KCNA3: variants seen among roughly 807,000 people sequenced by gnomAD.
KCNA3 encodes RP11-284N8.3.
A neutral mutation model predicts 34.3 loss-of-function variants in KCNA3; 18 were observed. The observed-to-expected ratio is 0.52, with a 90% CI of 0.36 to 0.78. The LOEUF is 0.78. KCNA3 is among the 30% of genes least tolerant of loss of function. The probability of loss-of-function intolerance (pLI) is 0.00; values close to 1 mark genes in which losing one functional copy is unlikely to be tolerated. For missense variants in KCNA3, 587 were observed against 802.5 expected, an observed-to-expected ratio of 0.73 and a Z score of 3.24; for synonymous variants, 324 against 351.7, an observed-to-expected ratio of 0.92 and a Z score of 0.88.
Position 110,674,734 on chromosome 1 carries a change from G to C in KCNA3, c.76C>G (p.Pro26Ala), listed in dbSNP as rs749265772. 6.9e-5 allele frequency: 99 copies of C among 1,426,294 alleles called. 1 individual carries two copies. Among genetic ancestry groups the C allele is most frequent in the Non-Finnish European group, 8.5e-5 (93 of 1,098,236 alleles). The allele number at this position is 1,426,294 out of a possible 1,614,324, so 88.4% of individuals were successfully genotyped here. The stretch of plus-strand genomic sequence containing the variant: ...GTGTGGGCACCGCCGCTGCTCGCTG[G>C]GCGCTGAGGAGGGTGGGCGCGGTGG... ...ARHRAHPPQR[P>A]ASSGGAHTLV... Residue 26 changes from proline to alanine, a missense_variant, in exon 1 of 1, where the codon CCA becomes GCA. This residue lies in a region of KCNA3 where 341 missense variants were observed against 355.4 expected (regional missense o/e 0.96). Transcript: ENST00000369769. This position sits in a 1 kb window ranked among gnomAD's most constrained non-coding sequence, Gnocchi z 6.4.
the KCNA3 span, among the ~76,000 whole-genome samples, chr1:110,665,081 T>A: frequency 6.6e-6 from 1 of 152,238 alleles, no homozygotes; most frequent in Non-Finnish European, 1.5e-5. Context: ...AGACAGGGCC[T>A]TGCAGGCCAT....
At chr1:110,670,079 G>A (rs1327664232), downstream of KCNA3, among the ~76,000 whole-genome samples, 1 of 152,050 alleles carries the variant, frequency 6.6e-6, no homozygotes, top group East Asian at 1.9e-4. Context: ...GGCACAGAGA[G>A]GTTAAGTAAT....
At chr1:110,668,117 T>C (rs532977553), downstream of KCNA3, among the ~76,000 whole-genome samples, 3 of 152,224 alleles carry the variant, frequency 2.0e-5, no homozygotes, top group South Asian at 6.2e-4. Context: ...AAACCAATAA[T>C]TGTATCCTCC....
chr1:110,668,827 C>T (rs1197373905), downstream of KCNA3, among the ~76,000 whole-genome samples: 7 of 152,086 alleles, frequency 4.6e-5, no homozygotes, highest in African/African-American at 9.7e-5. Context: ...CACAGACATC[C>T]GTATATTTCT....
the KCNA3 span, among the ~76,000 whole-genome samples, chr1:110,660,302 A>G: frequency 6.6e-6 from 1 of 152,202 alleles, no homozygotes; most frequent in South Asian, 2.1e-4. Context: ...CCAGTGTGAT[A>G]GTTTGCTTTT....
chr1:110,665,826 A>C, the KCNA3 span, among the ~76,000 whole-genome samples: 1 of 152,282 alleles, frequency 6.6e-6, no homozygotes, highest in Admixed American at 6.5e-5. Flanking sequence ...GACCATACCA[A>C]ATGCTTCTGA....
chr1:110,660,120 A>T, the KCNA3 span, among the ~76,000 whole-genome samples: 1 of 152,198 alleles, frequency 6.6e-6, no homozygotes, highest in Admixed American at 6.5e-5. Context: ...TTCATTATAT[A>T]TTTTTTAAAT....
chr1:110,658,210 C>T, the KCNA3 span, among the ~76,000 whole-genome samples: 14 of 152,258 alleles, frequency 9.2e-5, no homozygotes, highest in Middle Eastern at 3.4e-3. Flanking sequence ...GTTTTAGTTA[C>T]TGATTCTCAT....
downstream of KCNA3, among the ~76,000 whole-genome samples, chr1:110,670,326 T>C (rs760663859): frequency 6.6e-6 from 1 of 152,210 alleles, no homozygotes; most frequent in East Asian, 1.9e-4. Context: ...CAAGCAATCA[T>C]ATTACCTCAA....
the KCNA3 span, among the ~76,000 whole-genome samples, chr1:110,663,695 T>C: frequency 6.6e-6 from 1 of 152,182 alleles, no homozygotes; most frequent in Non-Finnish European, 1.5e-5. Flanking sequence ...TTCCATACTA[T>C]ATGTGTTGGT....
At chr1:110,657,733 T>C in the KCNA3 span, among the ~76,000 whole-genome samples, 2 of 152,234 alleles carry the variant, frequency 1.3e-5, no homozygotes, top group East Asian at 3.8e-4. Flanking sequence ...TAAAGGTAGT[T>C]TTTGTGTCTA....
the KCNA3 span, among the ~76,000 whole-genome samples, chr1:110,664,520 G>A: frequency 4.6e-5 from 7 of 152,152 alleles, no homozygotes; most frequent in Non-Finnish European, 7.3e-5. Context: ...AGGAGTGTAA[G>A]CCACATAGTG....
the KCNA3 span, among the ~76,000 whole-genome samples, chr1:110,663,477 G>A: frequency 1.3e-5 from 2 of 152,164 alleles, no homozygotes; most frequent in African/African-American, 4.8e-5. Flanking sequence ...ATATGCAGAG[G>A]CAACAGTCAA....
At chr1:110,670,634 C>T (rs973974882), downstream of KCNA3, among the ~76,000 whole-genome samples, 1 of 152,016 alleles carries the variant, frequency 6.6e-6, no homozygotes, top group African/African-American at 2.4e-5. Flanking sequence ...AACGTTTGGT[C>T]AAGAGGTAGA....
At chr1:110,667,724 A>G (rs1243057504), downstream of KCNA3, among the ~76,000 whole-genome samples, 1 of 152,212 alleles carries the variant, frequency 6.6e-6, no homozygotes, top group Non-Finnish European at 1.5e-5. Flanking sequence ...AGAACCCAGT[A>G]AAATCATGAA....
chr1:110,671,108 A>C (rs183206056), downstream of KCNA3, among the ~76,000 whole-genome samples: 20 of 152,368 alleles, frequency 1.3e-4, no homozygotes, highest in East Asian at 3.9e-3. Context: ...TATGTAAATT[A>C]AAATTGGACC....
At chr1:110,661,271 C>T in the KCNA3 span, among the ~76,000 whole-genome samples, 1 of 152,094 alleles carries the variant, frequency 6.6e-6, no homozygotes, top group African/African-American at 2.4e-5. Flanking sequence ...ATACTGTATG[C>T]CTACTGTGTG....
chr1:110,671,575 G>A (rs1233465405), downstream of KCNA3, among the ~76,000 whole-genome samples: 1 of 152,062 alleles, frequency 6.6e-6, no homozygotes, highest in Non-Finnish European at 1.5e-5. Context: ...TTAATTGATT[G>A]TCTGCAATTC....
rs1651940890 is a variant in KCNA3 at position 110,672,954 on chromosome 1, T to G, written c.*128A>C. The G allele has an allele frequency of 4.3e-6, 4 of 933,428 alleles. No homozygotes were observed. The highest frequency in any genetic ancestry group is 6.5e-6 in the Non-Finnish European group (4 of 617,232). The allele number at this position is 933,428 out of a possible 1,614,324, so 57.8% of individuals were successfully genotyped here. ...AGCAGCAGGGAGAGGGAGAATGAAG[T>G]GTGCTTTCCACTTCTTCAGGTCCTT... On this transcript the variant is annotated 3_prime_UTR_variant, in exon 1 of 1. Coordinates refer to ENST00000369769, the MANE Select transcript of KCNA3 (RefSeq NM_002232.5).
Sources: gnomAD v4.1 joint callset for allele counts (sites outside exome capture counted in the v4.1 genomes callset) on GRCh38, gnomAD v4.1.1 for gene constraint, gnomAD v4.1.1 regional missense constraint, Gnocchi (gnomAD v3.1) non-coding constraint, MANE v1.5 for transcripts, NCBI Gene and HGNC (gene_info 2026-07-23, HGNC 2026-07-21) for gene names.